SOX5: variants seen among roughly 807,000 people sequenced by gnomAD.
SOX5 encodes the protein transcription factor SOX-5.
A neutral mutation model predicts 92.0 loss-of-function variants in SOX5; 9 were observed. That is an observed-to-expected ratio of 0.10 (90% confidence interval 0.06 to 0.17). The LOEUF (loss-of-function observed/expected upper bound fraction) is 0.17, where lower values mean the gene tolerates loss of function less well. Among genes scored for constraint, SOX5 ranks in the 10% least tolerant of loss-of-function variants. The pLI is 1.00. For synonymous variants in SOX5, 344 were observed against 336.3 expected (o/e 1.02, Z -0.25); for missense variants, 642 against 944.5 (o/e 0.68, Z 4.20).
At chr12:24,255,662 C>T (rs1008113786) in intron 3 of SOX5, among the ~76,000 whole-genome samples, 2 of 151,902 alleles carry the variant, frequency 1.3e-5, no homozygotes, top group Non-Finnish European at 2.9e-5. Flanking sequence ...CCAGGCTTCT[C>T]GACTCGGAAA....
chr12:23,566,185 G>T (rs144353425), intron 10 of SOX5, among the ~76,000 whole-genome samples: 1,550 of 152,268 alleles, frequency 0.01, 28 homozygotes, highest in African/African-American at 0.035. Context: ...TCAACTTGTA[G>T]ATACTTAAGG....
At chr12:23,602,626 A>G (rs2074657278) in intron 9 of SOX5, among the ~76,000 whole-genome samples, 1 of 152,116 alleles carries the variant, frequency 6.6e-6, no homozygotes, top group Non-Finnish European at 1.5e-5. Flanking sequence ...GTAAAGCCTC[A>G]TTACGAAACA....
intron 6 of SOX5, among the ~76,000 whole-genome samples, chr12:23,704,703 T>TATATATATATATATATAC (rs2091138533): frequency 3.8e-5 from 5 of 131,258 alleles, no homozygotes; most frequent in Non-Finnish European, 8.3e-5. Flanking sequence ...TATATATATA[T>TATATATATATATATATAC]ATATATATAT....
chr12:24,128,958 G>C lies in SOX5; in HGVS notation c.-2+84385C>G, dbSNP rs372598626. 1.4e-4 allele frequency among the ~76,000 whole-genome samples: 21 copies of C among 152,200 alleles called. No homozygotes were observed. The South Asian group carries it at 4.1e-3, about 30-fold the overall frequency. On this transcript the variant is annotated intron_variant, in intron 4 of 4. Transcript: ENST00000446891. Reference sequence around the variant, plus strand: ...GCAATGGAAAACACATAGAAATGGAGAGCTTCAAGATATACTTTGTGAATA... The same window carrying C: ...GCAATGGAAAACACATAGAAATGGACAGCTTCAAGATATACTTTGTGAATA...
At chr12:23,839,724 A>G (rs1460458630) in intron 3 of SOX5, among the ~76,000 whole-genome samples, 2 of 152,056 alleles carry the variant, frequency 1.3e-5, no homozygotes, top group South Asian at 4.1e-4. Context: ...AAATAAGCAT[A>G]TATCATATCA....
At chr12:23,870,983 G>A (rs2096866710) in intron 2 of SOX5, among the ~76,000 whole-genome samples, 1 of 152,026 alleles carries the variant, frequency 6.6e-6, no homozygotes, top group South Asian at 2.1e-4. Flanking sequence ...AAATCTGGTA[G>A]CTATTTCAAT....
chr12:23,628,910 T>C (rs1348869687), intron 8 of SOX5, among the ~76,000 whole-genome samples: 2 of 151,974 alleles, frequency 1.3e-5, no homozygotes, highest in African/African-American at 4.8e-5. Context: ...ATGTGGTTTT[T>C]CTTCTTGGTC....
intron 1 of SOX5, among the ~76,000 whole-genome samples, chr12:24,427,464 A>C (rs1056340552): frequency 6.6e-6 from 1 of 152,218 alleles, no homozygotes; most frequent in Non-Finnish European, 1.5e-5. Context: ...ATCACATGGG[A>C]GATAGAATAA....
chr12:23,690,404 G>A (rs2088551824), intron 6 of SOX5, among the ~76,000 whole-genome samples: 1 of 152,030 alleles, frequency 6.6e-6, no homozygotes, highest in Non-Finnish European at 1.5e-5. Flanking sequence ...TTTATTTTGT[G>A]GACTCTTACA....
intron 4 of SOX5, among the ~76,000 whole-genome samples, chr12:24,057,548 G>A (rs532108646): frequency 3.3e-5 from 5 of 151,880 alleles, no homozygotes; most frequent in Non-Finnish European, 5.9e-5. Context: ...AAATTTCATC[G>A]CAAATGCAAA....
intron 3 of SOX5, among the ~76,000 whole-genome samples, chr12:24,240,183 G>A (rs944160772): frequency 6.6e-6 from 1 of 152,066 alleles, no homozygotes; most frequent in African/African-American, 2.4e-5. Context: ...GTAAGATATA[G>A]CCAAATCATA....
At chr12:24,109,843 T>C (rs558089477) in intron 4 of SOX5, among the ~76,000 whole-genome samples, 1 of 152,350 alleles carries the variant, frequency 6.6e-6, no homozygotes, top group East Asian at 1.9e-4. Context: ...AAACTAAGCC[T>C]ACAGTCCATG....
At chr12:23,707,321 ATTGGAT>A (rs1014063932) in intron 6 of SOX5, among the ~76,000 whole-genome samples, 3 of 152,146 alleles carry the variant, frequency 2.0e-5, no homozygotes, top group Non-Finnish European at 4.4e-5. Context: ...CTGGCATAGG[ATTGGAT>A]TTTTAAGAGT....
chr12:23,976,328 C>T (rs900546656), intron 4 of SOX5, among the ~76,000 whole-genome samples: 2 of 141,056 alleles, frequency 1.4e-5, no homozygotes, highest in African/African-American at 5.3e-5. Flanking sequence ...AAAAGACCTT[C>T]AGTTTCTTAG....
chr12:23,680,601 T>G (rs1256686571), intron 6 of SOX5, among the ~76,000 whole-genome samples: 1 of 151,914 alleles, frequency 6.6e-6, no homozygotes, highest in Non-Finnish European at 1.5e-5. Context: ...TTCTAAAAAT[T>G]AATGACTGAT....
At chr12:23,808,189 A>C (rs1057459085) in intron 3 of SOX5, among the ~76,000 whole-genome samples, 3 of 152,064 alleles carry the variant, frequency 2.0e-5, no homozygotes, top group Admixed American at 1.3e-4. Context: ...TTTTAAGGGG[A>C]GATATCTCTA....
intron 13 of SOX5, among the ~76,000 whole-genome samples, chr12:23,539,499 C>T (rs142490341): frequency 9.9e-4 from 150 of 151,640 alleles, no homozygotes; most frequent in Middle Eastern, 6.8e-3. Context: ...AAATGACTCC[C>T]GTGGGGCTCA....
At chr12:24,037,630 T>C (rs1270450805) in intron 4 of SOX5, among the ~76,000 whole-genome samples, 1 of 152,168 alleles carries the variant, frequency 6.6e-6, no homozygotes, top group Non-Finnish European at 1.5e-5. Context: ...AAGTAATATT[T>C]AGCTTAAAAA....
intron 4 of SOX5, among the ~76,000 whole-genome samples, chr12:23,997,615 A>T (rs755992030): frequency 3.2e-4 from 48 of 152,194 alleles, no homozygotes; most frequent in Non-Finnish European, 6.3e-4. Flanking sequence ...GATGCCTTAT[A>T]CATGAAGAAA....
Sources: gnomAD v4.1 joint callset for allele counts (sites outside exome capture counted in the v4.1 genomes callset) on GRCh38, gnomAD v4.1.1 for gene constraint, MANE v1.5 for transcripts, NCBI Gene and HGNC (gene_info 2026-07-23, HGNC 2026-07-21) for gene names.